Variants in CTNNBL1 observed in about 807,000 individuals in gnomAD.
CTNNBL1 encodes the protein catenin beta like 1, also known as beta-catenin-like protein 1.
In CTNNBL1, 31 loss-of-function variants were observed where a neutral mutation model predicts 72.7. The observed-to-expected ratio is 0.43, with a 90% CI of 0.32 to 0.58. The LOEUF (loss-of-function observed/expected upper bound fraction) is 0.58. Among genes scored for constraint, CTNNBL1 ranks in the 20% least tolerant of loss-of-function variants. The pLI is 0.08. For missense variants in CTNNBL1, 534 were observed against 725.1 expected (o/e 0.74, Z 3.03); for synonymous variants, 240 against 267.3 (o/e 0.90, Z 1.00).
At chr20:37,826,802 A>G (rs954070334) in intron 11 of CTNNBL1, among the ~76,000 whole-genome samples, 1 of 152,250 alleles carries the variant, frequency 6.6e-6, no homozygotes, top group Non-Finnish European at 1.5e-5. Flanking sequence ...AGTTGCAGAC[A>G]GCATTACATT....
At chr20:37,803,157 G>A (rs2073837103) in intron 11 of CTNNBL1, 109 bp downstream of exon 11, 3 of 927,680 alleles carry the variant, frequency 3.2e-6, no homozygotes, top group Non-Finnish European at 4.8e-6. Flanking sequence ...GGGGAAGAGT[G>A]CTACCTTTTT....
intron 1 of CTNNBL1, among the ~76,000 whole-genome samples, chr20:37,731,936 G>T (rs1270783186): frequency 6.6e-6 from 1 of 152,122 alleles, no homozygotes; most frequent in Non-Finnish European, 1.5e-5. Flanking sequence ...CCCAAAAGTG[G>T]GATTGCTGGA....
At chr20:37,844,425 T>G (rs2072330219) in intron 13 of CTNNBL1, among the ~76,000 whole-genome samples, 1 of 152,096 alleles carries the variant, frequency 6.6e-6, no homozygotes, top group Non-Finnish European at 1.5e-5. Context: ...GTTTGGTAAC[T>G]CTGCCATTTT....
chr20:37,772,818 G>GT (rs1454561404), intron 7 of CTNNBL1, among the ~76,000 whole-genome samples: 1 of 152,132 alleles, frequency 6.6e-6, no homozygotes, highest in East Asian at 1.9e-4. Context: ...TGGCACACTG[G>GT]TGACAGCATT....
intron 9 of CTNNBL1, among the ~76,000 whole-genome samples, chr20:37,778,563 A>G (rs777563488): frequency 1.3e-5 from 2 of 152,208 alleles, no homozygotes; most frequent in Non-Finnish European, 2.9e-5. Flanking sequence ...GGCTTCTCTT[A>G]ACATGCCTTA....
intron 2 of CTNNBL1, 121 bp from the exon 3 acceptor site, chr20:37,737,257 A>T: frequency 1.4e-6 from 1 of 711,494 alleles, no homozygotes; most frequent in Non-Finnish European, 2.5e-6. Context: ...AGTGTACTGT[A>T]CATTGAACCC....
chr20:37,841,628 C>G (rs968567345), intron 12 of CTNNBL1, among the ~76,000 whole-genome samples: 1 of 152,120 alleles, frequency 6.6e-6, no homozygotes, highest in African/African-American at 2.4e-5. Flanking sequence ...GTGGTGCCAA[C>G]CTGATAAAAA....
chr20:37,777,064 A>G (rs2073580158), intron 7 of CTNNBL1, among the ~76,000 whole-genome samples: 1 of 152,200 alleles, frequency 6.6e-6, no homozygotes, highest in African/African-American at 2.4e-5. Flanking sequence ...GGCTAGACAT[A>G]TATAATCTCT....
intron 14 of CTNNBL1, 69 bp downstream of exon 14, chr20:37,860,105 CT>C (rs2072478879): frequency 5.0e-6 from 7 of 1,411,062 alleles, no homozygotes; most frequent in Middle Eastern, 3.7e-4. Context: ...CTTAGGTGGA[CT>C]CTCACTCAGG....
intron 1 of CTNNBL1, among the ~76,000 whole-genome samples, chr20:37,713,798 T>G (rs897220707): frequency 2.6e-5 from 4 of 152,036 alleles, no homozygotes; most frequent in African/African-American, 9.7e-5. Flanking sequence ...ATATACGTTT[T>G]CTCCTTCCCA....
chr20:37,746,979 C>G (rs1343092477), intron 4 of CTNNBL1, among the ~76,000 whole-genome samples: 1 of 152,246 alleles, frequency 6.6e-6, no homozygotes, highest in African/African-American at 2.4e-5. Flanking sequence ...TTTCTGCTGA[C>G]TGATGGTCCA....
At chr20:37,733,748 T>A (rs1250508907) in intron 2 of CTNNBL1, among the ~76,000 whole-genome samples, 1 of 152,182 alleles carries the variant, frequency 6.6e-6, no homozygotes, top group East Asian at 1.9e-4. Flanking sequence ...CATTACTGTA[T>A]TTTGTATATT....
chr20:37,716,121 A>G (rs1200707968), intron 1 of CTNNBL1, among the ~76,000 whole-genome samples: 5 of 152,176 alleles, frequency 3.3e-5, no homozygotes. Flanking sequence ...CTGTTTATGT[A>G]TAAGACACTT....
chr20:37,700,008 C>A (rs547878721), intron 1 of CTNNBL1, among the ~76,000 whole-genome samples: 1 of 152,270 alleles, frequency 6.6e-6, no homozygotes, highest in African/African-American at 2.4e-5. Context: ...CTCTCTGAGG[C>A]CCCTTCTAGC....
chr20:37,782,623 A>G (rs1384705834), intron 10 of CTNNBL1, among the ~76,000 whole-genome samples: 2 of 152,206 alleles, frequency 1.3e-5, no homozygotes, highest in South Asian at 4.1e-4. Context: ...AATTTTAATA[A>G]TGTATTTTAT....
At chr20:37,761,810 T>A (rs1427197731) in intron 5 of CTNNBL1, among the ~76,000 whole-genome samples, 1 of 152,260 alleles carries the variant, frequency 6.6e-6, no homozygotes, top group Non-Finnish European at 1.5e-5. Flanking sequence ...AGGCAAGGCC[T>A]GAGTTCTGGA....
At chr20:37,778,996 T>C (rs2073601164) in intron 9 of CTNNBL1, among the ~76,000 whole-genome samples, 191 bp from the exon 10 acceptor site, 1 of 152,124 alleles carries the variant, frequency 6.6e-6, no homozygotes, top group Non-Finnish European at 1.5e-5. Flanking sequence ...TGGCTTTTTT[T>C]TTTGCATGTA....
chr20:37,765,348 G>C (rs1401190734), intron 6 of CTNNBL1, 58 bp downstream of exon 6: 6 of 1,126,626 alleles, frequency 5.3e-6, no homozygotes, highest in East Asian at 5.1e-5. Flanking sequence ...TTGGGACTCT[G>C]TGCTCATTTC....
At chr20:37,856,347 G>A (rs554611587) in intron 13 of CTNNBL1, among the ~76,000 whole-genome samples, 20 of 152,268 alleles carry the variant, frequency 1.3e-4, no homozygotes, top group African/African-American at 4.6e-4. Context: ...AAGGCAGGCC[G>A]TGGGAGGTAC....
Sources: allele counts gnomAD v4.1 joint callset (sites outside exome capture counted in the v4.1 genomes callset), GRCh38; gene constraint gnomAD v4.1.1; transcripts MANE v1.5; gene names NCBI Gene and HGNC (gene_info 2026-07-23, HGNC 2026-07-21).